PIK3R4: variants seen among roughly 807,000 people sequenced by gnomAD.
PIK3R4 encodes the protein phosphoinositide-3-kinase regulatory subunit 4, also known as phosphoinositide 3-kinase regulatory subunit 4.
Under a neutral mutation model 136.5 loss-of-function variants are expected in PIK3R4, and 46 were observed. The observed-to-expected ratio is 0.34, with a 90% CI of 0.27 to 0.43. PIK3R4 has a LOEUF of 0.43. Ranked by LOEUF, PIK3R4 falls within the 20% of genes least tolerant of loss-of-function variation. The pLI is 1.00. For missense variants in PIK3R4, 1,331 were observed against 1,649.5 expected (o/e 0.81, Z 3.35); for synonymous variants, 557 against 566.7 (o/e 0.98, Z 0.24).
chr3:130,735,061 A>C (rs2066778771), intron 3 of PIK3R4, among the ~76,000 whole-genome samples: 1 of 152,252 alleles, frequency 6.6e-6, no homozygotes, highest in South Asian at 2.1e-4. Context: ...CAACGTAACA[A>C]GTATGTGCCA....
intron 15 of PIK3R4, among the ~76,000 whole-genome samples, chr3:130,685,028 C>T (rs2066481684): frequency 6.6e-6 from 1 of 152,096 alleles, no homozygotes; most frequent in Admixed American, 6.6e-5. Flanking sequence ...AATTCAAGCA[C>T]AGAAGATAAC....
chr3:130,705,218 C>A (rs1406705390), intron 12 of PIK3R4, among the ~76,000 whole-genome samples: 1 of 152,040 alleles, frequency 6.6e-6, no homozygotes, highest in Admixed American at 6.6e-5. Context: ...TTAAACCTTC[C>A]AGAAATTAAA....
At chr3:130,682,823 G>C (rs62280687) in intron 16 of PIK3R4, among the ~76,000 whole-genome samples, 152,316 of 152,316 alleles carry the variant, frequency 1, 76,158 homozygotes, top group Non-Finnish European at 1. Flanking sequence ...TGTTAGAATT[G>C]TAGGTGATAA....
chr3:130,737,704 A>C (rs919774747), intron 2 of PIK3R4, among the ~76,000 whole-genome samples: 2 of 152,172 alleles, frequency 1.3e-5, no homozygotes, highest in Non-Finnish European at 2.9e-5. Flanking sequence ...TAATACATCT[A>C]ACCTGCTGAA....
intron 6 of PIK3R4, among the ~76,000 whole-genome samples, 180 bp downstream of exon 6, chr3:130,728,283 C>A (rs2066743990): frequency 6.6e-6 from 1 of 152,252 alleles, no homozygotes; most frequent in African/African-American, 2.4e-5. Context: ...GATATACCAA[C>A]CCTTTATTTT....
chr3:130,717,783 G>A (rs1435951955), intron 8 of PIK3R4, among the ~76,000 whole-genome samples: 2 of 152,082 alleles, frequency 1.3e-5, no homozygotes, highest in African/African-American at 2.4e-5. Flanking sequence ...ATCGTCCTTC[G>A]CCATTTCAAT....
chr3:130,681,395 C>A, intron 17 of PIK3R4, 96 bp downstream of exon 17: 1 of 837,836 alleles, frequency 1.2e-6, no homozygotes, highest in South Asian at 1.5e-5. Flanking sequence ...AAACATAACC[C>A]AAAAGCCCAA....
chr3:130,743,119 C>A (rs970318052), intron 2 of PIK3R4, among the ~76,000 whole-genome samples: 6 of 152,084 alleles, frequency 3.9e-5, no homozygotes, highest in Non-Finnish European at 8.8e-5. Flanking sequence ...AAATTTATAA[C>A]CAACTGCTGG....
chr3:130,731,223 G>A (rs1487399602), intron 4 of PIK3R4, among the ~76,000 whole-genome samples: 1 of 152,000 alleles, frequency 6.6e-6, no homozygotes, highest in African/African-American at 2.4e-5. Flanking sequence ...GATCACAACC[G>A]GTCAAAGACT....
rs769585782 is a variant in PIK3R4, at chr3:130,716,455, C to T, written c.2272G>A (p.Asp758Asn). ...GCAGGATCCTCTGGCGGAGGGCAGT[C>T]GGGAAGAGAACCATTTCGTTTCTTC... The part of the protein sequence containing the change: ...RQKKRNGSLP[D>N]CPPPEDPAIA... The change falls in exon 9 of 20, where the codon GAC becomes AAC. Residue 758 changes from aspartate (D) to asparagine (N), a missense_variant. Transcript: ENST00000356763. 17 of 1,614,024 alleles carry T rather than the reference C, an allele frequency of 1.1e-5. No homozygotes were observed. Among genetic ancestry groups the T allele is most frequent in the Non-Finnish European group, 1.4e-5 (16 of 1,180,026 alleles).
intron 15 of PIK3R4, 130 bp from the exon 16 acceptor site, chr3:130,684,511 AG>A (rs2066478082): frequency 1.3e-6 from 1 of 781,664 alleles, no homozygotes; most frequent in Non-Finnish European, 2.0e-6. Context: ...CTTAAAAAAA[AG>A]TTTTGTTCTC....
At chr3:130,712,050 C>G (rs2066635419) in intron 9 of PIK3R4, among the ~76,000 whole-genome samples, 1 of 152,146 alleles carries the variant, frequency 6.6e-6, no homozygotes, top group Non-Finnish European at 1.5e-5. Context: ...GTAGATGGAT[C>G]TAATGAAAAC....
chr3:130,715,638 T>C (rs897245560), intron 9 of PIK3R4, among the ~76,000 whole-genome samples: 1 of 152,184 alleles, frequency 6.6e-6, no homozygotes, highest in Non-Finnish European at 1.5e-5. Context: ...TTAAGTTCCT[T>C]GTAAATTCTG....
chr3:130,706,936 G>A lies in PIK3R4; in HGVS notation c.2721+12C>T. ...AGACATTAGGAGGACTACTGACTGGGTGACACAGTACCTGTGAAGAAGTTG... is the reference window on the plus strand; with the variant it reads ...AGACATTAGGAGGACTACTGACTGGATGACACAGTACCTGTGAAGAAGTTG... On this transcript the variant is annotated intron_variant, in intron 11 of 19. Coordinates refer to ENST00000356763, the MANE Select transcript of PIK3R4 (RefSeq NM_014602.3). 1 of 1,595,770 alleles carries A rather than the reference G, an allele frequency of 6.3e-7. No individual in the cohort carries two copies. Among genetic ancestry groups the A allele is most frequent in the African/African-American group, 1.3e-5 (1 of 74,372 alleles).
intron 13 of PIK3R4, among the ~76,000 whole-genome samples, chr3:130,693,292 T>C (rs1371827606): frequency 6.6e-6 from 1 of 152,226 alleles, no homozygotes; most frequent in Non-Finnish European, 1.5e-5. Flanking sequence ...TGTGAACATA[T>C]GTTTTCAACT....
chr3:130,716,257 T>C, intron 9 of PIK3R4, 139 bp downstream of exon 9: 1 of 665,038 alleles, frequency 1.5e-6, no homozygotes, highest in East Asian at 2.7e-5. Context: ...AGCAAATGCC[T>C]AAGATGTTTG....
chr3:130,715,118 C>T (rs1028468532), intron 9 of PIK3R4, among the ~76,000 whole-genome samples: 3 of 148,144 alleles, frequency 2.0e-5, no homozygotes, highest in African/African-American at 5.0e-5. Flanking sequence ...TATTTTTTCC[C>T]GACTTTTTTT....
intron 2 of PIK3R4, among the ~76,000 whole-genome samples, chr3:130,740,565 C>T (rs2066816590): frequency 6.6e-6 from 1 of 151,950 alleles, no homozygotes; most frequent in African/African-American, 2.4e-5. Context: ...TGGAGAAACC[C>T]TGTCTCTACT....
In PIK3R4 at chr3:130,686,355, C is replaced by T. The variant is rs775335797; in HGVS notation, c.3331G>A (p.Val1111Ile). Residue 1111 changes from valine (V) to isoleucine (I), a missense_variant, in exon 15 of 20, where the codon GTT becomes ATT. By Grantham distance (29) the Val-to-Ile change is conservative (BLOSUM62 3). Coordinates refer to ENST00000356763, the MANE Select transcript of PIK3R4 (RefSeq NM_014602.3). Reference sequence around the variant, plus strand: ...CCATTCACAGTGGCATAGGCAAGAACAGACTGTGCTCCAGAGTTGAAGTGA... The same window carrying T: ...CCATTCACAGTGGCATAGGCAAGAATAGACTGTGCTCCAGAGTTGAAGTGA... ...MHHFNSGAQSVLAYATVNGSL... is the reference protein window; with the variant it reads ...MHHFNSGAQSILAYATVNGSL... The T allele has an allele frequency of 7.4e-6, 12 of 1,613,104 alleles. No individual in the cohort carries two copies. The highest frequency in any genetic ancestry group is 1.7e-5 in the Admixed American group (1 of 59,986).
Sources: allele counts gnomAD v4.1 joint callset (sites outside exome capture counted in the v4.1 genomes callset), GRCh38; gene constraint gnomAD v4.1.1; transcripts MANE v1.5; gene names NCBI Gene and HGNC (gene_info 2026-07-23, HGNC 2026-07-21).